The following FMO5 variants were observed in gnomAD, a reference collection of about 807,000 sequenced individuals.
The protein encoded by FMO5 is flavin containing dimethylaniline monoxygenase 5.
In FMO5, 51 loss-of-function variants were observed where a neutral mutation model predicts 43.6. The observed-to-expected ratio is 1.17, with a 90% CI of 0.93 to 1.48. The LOEUF is 1.48. Ranked by LOEUF, FMO5 falls within the 40% of genes most tolerant of loss-of-function variation. FMO5 has a pLI of 0.00. For missense variants in FMO5, 644 were observed against 643.0 expected, an observed-to-expected ratio of 1.00 and a Z score of -0.02; for synonymous variants, 187 against 216.5, an observed-to-expected ratio of 0.86 and a Z score of 1.20.
At chr1:147,199,920 TA>T in intron 7 of FMO5, among the ~76,000 whole-genome samples, 1 of 152,184 alleles carries the variant, frequency 6.6e-6, no homozygotes, top group Non-Finnish European at 1.5e-5. Context: ...TAGTTTTAAT[TA>T]AATGCTAGTA....
downstream of FMO5, among the ~76,000 whole-genome samples, chr1:147,185,552 A>G (rs780308420): frequency 1.2e-4 from 19 of 152,186 alleles, no homozygotes; most frequent in Non-Finnish European, 2.4e-4. Flanking sequence ...AGGGCCGGCA[A>G]TTGTTCAAAT....
intron 3 of FMO5, 151 bp from the exon 4 acceptor site, chr1:147,213,621 G>T (rs28381183): frequency 0.03 from 19,172 of 640,328 alleles, 473 homozygotes; most frequent in South Asian, 0.083. Context: ...AGAACTGTTT[G>T]GGGCTGTAGT....
In FMO5 at chr1:147,196,046, A is replaced by T. The variant is rs587705247; in HGVS notation, c.1183+5106T>A. Reference sequence around the variant, plus strand: ...TAATGTTAATACATGACAGCTCTTGAAACATTTGGAAATGATTGTCATAAC... The same window carrying T: ...TAATGTTAATACATGACAGCTCTTGTAACATTTGGAAATGATTGTCATAAC... On this transcript the variant is annotated intron_variant, in intron 7 of 8. Coordinates refer to ENST00000254090, the MANE Select transcript of FMO5 (RefSeq NM_001461.4). Among the ~76,000 whole-genome samples, 44 of 152,274 alleles carry T rather than the reference A, an allele frequency of 2.9e-4. No homozygotes were observed. In the Middle Eastern group the frequency reaches 0.017, roughly 59 times the overall value.
At chr1:147,198,402 T>C (rs1465225539) in intron 7 of FMO5, among the ~76,000 whole-genome samples, 1 of 152,108 alleles carries the variant, frequency 6.6e-6, no homozygotes, top group Non-Finnish European at 1.5e-5. Context: ...AGACTTTTCC[T>C]ATAGAAATAA....
intron 2 of FMO5, chr1:147,224,159 C>A: frequency 3.5e-6 from 1 of 287,462 alleles, no homozygotes; most frequent in Non-Finnish European, 6.9e-6. Context: ...CACGACGTTG[C>A]CTTCACACAG....
intron 6 of FMO5, chr1:147,204,549 G>A (rs1659622451): frequency 6.3e-7 from 1 of 1,582,806 alleles, no homozygotes; most frequent in African/African-American, 1.3e-5. Flanking sequence ...AACCTTCTAT[G>A]ACCTCTGAAA....
intron 6 of FMO5, among the ~76,000 whole-genome samples, chr1:147,203,114 C>T (rs200709453): frequency 0.054 from 8,023 of 147,778 alleles, 239 homozygotes; most frequent in African/African-American, 0.087. Flanking sequence ...CAAAGGTTTC[C>T]TTTTTTTTTT....
At chr1:147,185,543 G>A (rs1655545022), downstream of FMO5, among the ~76,000 whole-genome samples, 1 of 152,168 alleles carries the variant, frequency 6.6e-6, no homozygotes, top group African/African-American at 2.4e-5. Context: ...TTCGGTGAAA[G>A]GGCCGGCAAT....
At chr1:147,192,054 A>G (rs1656962220) in intron 7 of FMO5, among the ~76,000 whole-genome samples, 1 of 152,128 alleles carries the variant, frequency 6.6e-6, no homozygotes, top group African/African-American at 2.4e-5. Context: ...GAAGAAAGTC[A>G]TTGGTCACTT....
intron 7 of FMO5, among the ~76,000 whole-genome samples, chr1:147,190,797 AG>A (rs1294538571): frequency 1.3e-5 from 2 of 152,026 alleles, no homozygotes; most frequent in South Asian, 2.1e-4. Flanking sequence ...CTCGTCATTT[AG>A]CATTAGGTAT....
chr1:147,223,197 T>C (rs1663365263), intron 2 of FMO5, among the ~76,000 whole-genome samples: 1 of 152,188 alleles, frequency 6.6e-6, no homozygotes, highest in Non-Finnish European at 1.5e-5. Context: ...CCATACCATA[T>C]TGTGGCTGGA....
chr1:147,201,305 T>C lies in FMO5; in HGVS notation c.1030A>G (p.Lys344Glu). The change falls in exon 7 of 9, where the codon AAA becomes GAA. Residue 344 changes from lysine to glutamate, a missense_variant. Lys to Glu is a moderately conservative substitution (Grantham distance 56). Coordinates refer to ENST00000254090, the MANE Select transcript of FMO5 (RefSeq NM_001461.4). ...AGGGATATCTTGTTTTTGACCACTTTGACGGAATCTTCCAGAAATGGAAAG... is the reference window on the plus strand; with the variant it reads ...AGGGATATCTTGTTTTTGACCACTTCGACGGAATCTTCCAGAAATGGAAAG... Reference protein sequence around the residue: ...FDFPFLEDSVKVVKNKISLYK... With the variant: ...FDFPFLEDSVEVVKNKISLYK... 1 of 1,614,186 alleles carries C rather than the reference T, an allele frequency of 6.2e-7. No individual in the cohort carries two copies. The highest frequency in any genetic ancestry group is 8.5e-7 in the Non-Finnish European group (1 of 1,180,008).
At chr1:147,196,727 C>T (rs1453261089) in intron 7 of FMO5, among the ~76,000 whole-genome samples, 1 of 151,968 alleles carries the variant, frequency 6.6e-6, no homozygotes, top group African/African-American at 2.4e-5. Flanking sequence ...TACCATATTT[C>T]TTATCTCCCT....
intron 8 of FMO5, among the ~76,000 whole-genome samples, chr1:147,188,697 T>C (rs587767223): frequency 1.5e-4 from 23 of 151,420 alleles, no homozygotes; most frequent in African/African-American, 5.6e-4. Context: ...CTGCACGTTG[T>C]ACACATGTAC....
chr1:147,189,756 G>C (rs1197409829), intron 8 of FMO5, among the ~76,000 whole-genome samples: 1 of 152,150 alleles, frequency 6.6e-6, no homozygotes, highest in African/African-American at 2.4e-5. Context: ...TGCCAGCAAA[G>C]CGGCCACTGC....
Position 147,205,269 on chromosome 1 carries a change from C to A in FMO5, c.830+3583G>T, listed in dbSNP as rs187772679. On this transcript the variant is annotated intron_variant, in intron 6 of 8. Transcript: ENST00000254090. ...AGGAAACACAGTTTCCAAATGTCACCCCACTGATTAACTTCAACGGGAAAA... is the reference window on the plus strand; with the variant it reads ...AGGAAACACAGTTTCCAAATGTCACACCACTGATTAACTTCAACGGGAAAA... Among the ~76,000 whole-genome samples, 201 of 152,092 alleles carry A rather than the reference C, an allele frequency of 1.3e-3. 1 individual carries two copies. The highest frequency in any genetic ancestry group is 4.7e-3 in the African/African-American group (197 of 41,486).
At chr1:147,204,407 C>T (rs1340968030) in intron 6 of FMO5, 2 of 1,136,536 alleles carry the variant, frequency 1.8e-6, no homozygotes, top group Non-Finnish European at 2.7e-6. Flanking sequence ...AGAAATACTT[C>T]ATTACCATAT....
At chr1:147,192,894 A>C (rs1657161983) in intron 7 of FMO5, among the ~76,000 whole-genome samples, 2 of 152,110 alleles carry the variant, frequency 1.3e-5, no homozygotes, top group Admixed American at 1.3e-4. Flanking sequence ...CTTTTTGATG[A>C]GCTGCTGGAT....
rs782013269 is a variant in FMO5, at chr1:147,212,432, T to C, written c.591A>G (p.Gly197=). 30 of 1,613,958 alleles carry C rather than the reference T, an allele frequency of 1.9e-5. No individual in the cohort carries two copies. The highest frequency in any genetic ancestry group is 2.5e-5 in the Non-Finnish European group (29 of 1,179,954). The change falls in exon 5 of 9, where the codon GGA becomes GGG. Residue 197 remains glycine (G), a synonymous_variant. Transcript: ENST00000254090. The part of the protein sequence containing the change: ...RVIIIGIGNS[G]GDLAVEISQT... The stretch of plus-strand genomic sequence containing the variant: ...GGCTAATCTCTACAGCCAGATCCCC[T>C]CCAGAATTCCCAATGCCAATTATAA...
Sources: allele counts gnomAD v4.1 joint callset (sites outside exome capture counted in the v4.1 genomes callset), GRCh38; gene constraint gnomAD v4.1.1; transcripts MANE v1.5; gene names NCBI Gene and HGNC (gene_info 2026-07-23, HGNC 2026-07-21).